LAMA2: variants seen among roughly 807,000 people sequenced by gnomAD.
LAMA2 encodes laminin subunit alpha-2.
Under a neutral mutation model 364.8 loss-of-function variants are expected in LAMA2, and 269 were observed. The ratio of observed to expected loss-of-function variants is 0.74; its 90% CI spans 0.67 to 0.82. The LOEUF is 0.82. Among genes scored for constraint, LAMA2 ranks in the 40% least tolerant of loss-of-function variants. LAMA2 has a pLI of 0.00. For missense variants in LAMA2, 3,807 were observed against 3,873.2 expected (o/e 0.98, Z 0.45); for synonymous variants, 1,379 against 1,370.6 (o/e 1.01, Z -0.14).
intron 34 of LAMA2, among the ~76,000 whole-genome samples, chr6:129,371,631 G>C (rs1244988723): frequency 1.4e-5 from 2 of 138,438 alleles, no homozygotes; most frequent in African/African-American, 2.7e-5. Flanking sequence ...TTTTGAGACA[G>C]AGTCTTGCTC....
At chr6:128,956,973 T>A (rs567266549) in intron 1 of LAMA2, among the ~76,000 whole-genome samples, 2 of 152,120 alleles carry the variant, frequency 1.3e-5, no homozygotes, top group Non-Finnish European at 2.9e-5. Flanking sequence ...TTAAAGGTTA[T>A]ACTCTCATTC....
chr6:129,166,440 C>G (rs899721102), intron 9 of LAMA2, among the ~76,000 whole-genome samples: 6 of 152,038 alleles, frequency 3.9e-5, no homozygotes, highest in African/African-American at 1.4e-4. Flanking sequence ...GTTAAAAGAC[C>G]AGCAATGTTT....
At chr6:129,086,667 G>C (rs546912914) in intron 3 of LAMA2, among the ~76,000 whole-genome samples, 108 of 152,294 alleles carry the variant, frequency 7.1e-4, no homozygotes, top group African/African-American at 2.5e-3. Context: ...TACTAGTCAG[G>C]TGAAGTAGCA....
At position 129,382,945 on chromosome 6, in the gene LAMA2, TAA is replaced by T. The variant is rs574797103; in HGVS notation, c.4960-175_4960-174del. On this transcript the variant is annotated intron_variant, in intron 34 of 64. Transcript: ENST00000421865. Reference sequence around the variant, plus strand: ...GATTTCCATTTAATGGAAGAAGTAATAAAGTTTAATTGTATACGTGAGCATGG... The same window carrying T: ...GATTTCCATTTAATGGAAGAAGTAATAGTTTAATTGTATACGTGAGCATGG... Among the ~76,000 whole-genome samples the T allele has an allele frequency of 3.9e-5, 6 of 152,338 alleles. No individual in the cohort carries two copies. The South Asian group carries it at 1.2e-3, about 32-fold the overall frequency.
At chr6:129,054,608 G>T (rs1188086858) in intron 2 of LAMA2, among the ~76,000 whole-genome samples, 4 of 151,020 alleles carry the variant, frequency 2.6e-5, no homozygotes, top group Non-Finnish European at 5.9e-5. Context: ...GTATATGTAT[G>T]CAGGTATATA....
intron 42 of LAMA2, among the ~76,000 whole-genome samples, chr6:129,440,070 C>G (rs1015468592): frequency 2.6e-5 from 4 of 151,952 alleles, no homozygotes; most frequent in African/African-American, 7.3e-5. Context: ...GAGAAACAGA[C>G]AGAGGATACT....
intron 60 of LAMA2, among the ~76,000 whole-genome samples, chr6:129,504,666 C>T (rs531835405): frequency 1.3e-5 from 2 of 152,326 alleles, no homozygotes; most frequent in South Asian, 4.1e-4. Context: ...CTCTATCTTA[C>T]TCCCCCACTT....
intron 58 of LAMA2, among the ~76,000 whole-genome samples, chr6:129,494,447 C>T (rs1453095985): frequency 2.0e-5 from 3 of 152,096 alleles, no homozygotes; most frequent in East Asian, 3.8e-4. Flanking sequence ...ATAATGTATG[C>T]GGAAGTTATC....
rs1311979480 is a variant in LAMA2 at position 129,049,904 on chromosome 6, T to A, written c.113-14T>A. 6.2e-7 allele frequency: 1 copy of A among 1,611,692 alleles called. No individual in the cohort carries two copies. The highest frequency in any genetic ancestry group is 1.1e-5 in the South Asian group (1 of 90,998). ...TTTCTGGTCTACACACCTTCATTTG[T>A]CCATCTTTTTCAGGTTTATTCCCTG... On this transcript the variant is annotated splice_polypyrimidine_tract_variant and intron_variant, in intron 1 of 64. Transcript: ENST00000421865.
intron 34 of LAMA2, among the ~76,000 whole-genome samples, chr6:129,370,478 A>G (rs373438928): frequency 5.3e-5 from 8 of 152,366 alleles, no homozygotes; most frequent in African/African-American, 1.7e-4. Context: ...GTCAGAATGT[A>G]AAGTCCATGT....
At chr6:129,108,403 T>G (rs1775956139) in intron 4 of LAMA2, among the ~76,000 whole-genome samples, 1 of 152,196 alleles carries the variant, frequency 6.6e-6, no homozygotes, top group Non-Finnish European at 1.5e-5. Context: ...TAGCTTATTT[T>G]GAGCTTTTGA....
At chr6:129,169,492 T>A (rs917674085) in intron 9 of LAMA2, among the ~76,000 whole-genome samples, 1 of 151,102 alleles carries the variant, frequency 6.6e-6, no homozygotes, top group African/African-American at 2.4e-5. Flanking sequence ...TGAACCAGCC[T>A]TGCATCCCAG....
intron 35 of LAMA2, among the ~76,000 whole-genome samples, chr6:129,383,663 A>T (rs1338675057): frequency 6.6e-6 from 1 of 152,190 alleles, no homozygotes; most frequent in Non-Finnish European, 1.5e-5. Context: ...TTTAATGAAC[A>T]TCTGTTGCTT....
intron 8 of LAMA2, chr6:129,158,837 G>A: frequency 6.2e-7 from 1 of 1,614,058 alleles, no homozygotes; most frequent in Non-Finnish European, 8.5e-7. Context: ...TGAAGCTAAT[G>A]TGGTTTCTCC....
intron 1 of LAMA2, among the ~76,000 whole-genome samples, chr6:128,977,756 A>AT (rs1437873415): frequency 6.6e-6 from 1 of 152,178 alleles, no homozygotes; most frequent in African/African-American, 2.4e-5. Context: ...AAATTAATTT[A>AT]TTTTCAACTT....
intron 4 of LAMA2, among the ~76,000 whole-genome samples, chr6:129,104,828 C>G (rs1349929246): frequency 6.6e-6 from 1 of 152,128 alleles, no homozygotes; most frequent in East Asian, 1.9e-4. Context: ...GAACTGGGTT[C>G]AACTACTACC....
At chr6:128,959,479 C>A (rs573512496) in intron 1 of LAMA2, among the ~76,000 whole-genome samples, 5 of 152,228 alleles carry the variant, frequency 3.3e-5, no homozygotes, top group Middle Eastern at 6.8e-3. Flanking sequence ...GCTCTCAATT[C>A]TTCACTCACC....
chr6:129,012,661 G>A (rs1020292826), intron 1 of LAMA2, among the ~76,000 whole-genome samples: 5 of 151,996 alleles, frequency 3.3e-5, no homozygotes, highest in African/African-American at 9.7e-5. Context: ...CTTTTTTCTG[G>A]TTCTTCAAGG....
chr6:129,265,174 A>T (rs1787420152), intron 15 of LAMA2, among the ~76,000 whole-genome samples: 1 of 152,146 alleles, frequency 6.6e-6, no homozygotes, highest in Non-Finnish European at 1.5e-5. Context: ...AGGACCCCAC[A>T]TTCCCCACAT....
Sources: gnomAD v4.1 joint callset for allele counts (sites outside exome capture counted in the v4.1 genomes callset) on GRCh38, gnomAD v4.1.1 for gene constraint, MANE v1.5 for transcripts, NCBI Gene and HGNC (gene_info 2026-07-23, HGNC 2026-07-21) for gene names.